The following IAH1 variants were observed in gnomAD, a reference collection of about 807,000 sequenced individuals.
The protein encoded by IAH1 is isoamyl acetate hydrolyzing esterase 1 (putative).
Under a neutral mutation model 26.7 loss-of-function variants are expected in IAH1, and 24 were observed. The observed-to-expected ratio is 0.90, with a 90% CI of 0.65 to 1.26. The LOEUF (loss-of-function observed/expected upper bound fraction) is 1.26, where lower values mean the gene tolerates loss of function less well. Ranked by LOEUF, IAH1 falls within the 50% of genes most tolerant of loss-of-function variation. IAH1 has a pLI of 0.00. For synonymous variants in IAH1, 140 were observed against 118.5 expected (o/e 1.18, Z -1.18); for missense variants, 300 against 299.9 (o/e 1.00, Z 0.00).
chr2:9,500,125 C>A (rs1313376161), downstream of IAH1, among the ~76,000 whole-genome samples: 18 of 152,126 alleles, frequency 1.2e-4, no homozygotes, highest in African/African-American at 3.6e-4. Context: ...TTTGTTATAG[C>A]AAAAAAGTGG....
chr2:9,474,701 G>T lies in IAH1; in HGVS notation c.81+54G>T. 1 of 1,317,864 alleles carries T rather than the reference G, an allele frequency of 7.6e-7. No homozygotes were observed. The highest frequency in any genetic ancestry group is 1.3e-5 in the South Asian group (1 of 76,560). 81.6% of individuals were successfully genotyped at this position (1,317,864 alleles called of 1,614,324 possible). A position where few individuals can be genotyped will look rare whatever the true frequency, so the allele number is the denominator to read the frequency against. On this transcript the variant is annotated intron_variant, in intron 1 of 5. Coordinates refer to ENST00000497473, the MANE Select transcript of IAH1 (RefSeq NM_001039613.3). The surrounding 1 kb of genome is among the most constrained non-coding windows in gnomAD (Gnocchi z 4.3). ...GCCCCGGCCTCCCTGCGGGGTCGCT[G>T]CCGAGCAGGCCGAGGCTCCTCGCCG...
chr2:9,496,153 G>A, intron 6 of IAH1, among the ~76,000 whole-genome samples: 1 of 151,582 alleles, frequency 6.6e-6, no homozygotes, highest in South Asian at 2.1e-4. Flanking sequence ...ATTTGAAATG[G>A]AGTCTCGCTC....
chr2:9,479,360 TGAA>T (rs1661019372), intron 3 of IAH1, among the ~76,000 whole-genome samples: 1 of 151,874 alleles, frequency 6.6e-6, no homozygotes, highest in Non-Finnish European at 1.5e-5. Context: ...GCGAAAAAAC[TGAA>T]GAAGAAAATG....
intron 3 of IAH1, among the ~76,000 whole-genome samples, chr2:9,479,795 C>CTTTTTTTTTTTTTTTTTTTTTTTTT (rs5829216): frequency 1.4e-5 from 1 of 69,870 alleles, no homozygotes; most frequent in Non-Finnish European, 2.5e-5. Context: ...CTGTGTATTG[C>CTTTTTTTTTTTTTTTTTTTTTTTTT]TTTTTTTTTT....
intron 1 of IAH1, among the ~76,000 whole-genome samples, chr2:9,475,373 G>A (rs1487317336): frequency 6.6e-6 from 1 of 152,202 alleles, no homozygotes; most frequent in Non-Finnish European, 1.5e-5. Context: ...CCATGGGAAT[G>A]TGTATGAAAA....
chr2:9,489,405 T>G lies in IAH1; in HGVS notation c.*1076T>G, dbSNP rs553628412. The G allele has an allele frequency of 4.0e-5, 6 of 149,800 alleles. No homozygotes were observed. The South Asian group carries it at 1.3e-3, about 32-fold the overall frequency. 9.3% of individuals were successfully genotyped at this position (149,800 alleles called of 1,614,324 possible). A position where few individuals can be genotyped will look rare whatever the true frequency, so the allele number is the denominator to read the frequency against. On this transcript the variant is annotated 3_prime_UTR_variant, in exon 6 of 6. Coordinates refer to ENST00000497473, the MANE Select transcript of IAH1 (RefSeq NM_001039613.3). Reference sequence around the variant, plus strand: ...GCCAATAGTGAATTTTCTAAGAGCATGTATCCCTATCAGTAACAGGGATAC... The same window carrying G: ...GCCAATAGTGAATTTTCTAAGAGCAGGTATCCCTATCAGTAACAGGGATAC...
chr2:9,475,275 C>A, intron 1 of IAH1: 1 of 1,140,752 alleles, frequency 8.8e-7, no homozygotes, highest in Non-Finnish European at 1.2e-6. Flanking sequence ...TCTTCTCAGA[C>A]AGGACTTGCT....
At chr2:9,507,637 A>C in the IAH1 span, among the ~76,000 whole-genome samples, 1 of 152,140 alleles carries the variant, frequency 6.6e-6, no homozygotes, top group Non-Finnish European at 1.5e-5. Flanking sequence ...AAAATAAATA[A>C]ATTGTTCTTC....
chr2:9,499,956 C>A (rs2124985232), downstream of IAH1, among the ~76,000 whole-genome samples: 1 of 152,294 alleles, frequency 6.6e-6, no homozygotes, highest in Admixed American at 6.5e-5. Context: ...TACAATGCTG[C>A]TGAGACTGTA....
intron 1 of IAH1, 152 bp from the exon 2 acceptor site, chr2:9,475,835 C>T (rs995671395): frequency 4.6e-6 from 3 of 657,518 alleles, no homozygotes; most frequent in Non-Finnish European, 5.5e-6. Context: ...GCCAGGTGTA[C>T]TTACCTGTAA....
At chr2:9,490,226 A>G, downstream of IAH1, 2 of 1,606,834 alleles carry the variant, frequency 1.2e-6, no homozygotes, top group Non-Finnish European at 8.5e-7. Context: ...CTGCAGTTTA[A>G]AGGAGGCAGC....
downstream of IAH1, chr2:9,497,197 C>G (rs1186144392): frequency 1.2e-6 from 2 of 1,614,220 alleles, no homozygotes; most frequent in Non-Finnish European, 1.7e-6. Context: ...AAGATCCAAG[C>G]AAACAGTGTC....
intron 2 of IAH1, 86 bp from the exon 3 acceptor site, chr2:9,478,136 G>A: frequency 3.2e-6 from 4 of 1,244,550 alleles, no homozygotes. Context: ...TAGAATCCCA[G>A]AGAGCACACC....
At chr2:9,492,762 TAAC>T (rs1442202856), downstream of IAH1, 12 of 641,300 alleles carry the variant, frequency 1.9e-5, no homozygotes, top group South Asian at 9.9e-5. Context: ...CCCCTAGGAA[TAAC>T]AACAAAAAAA....
At chr2:9,480,680 C>G (rs993370979) in intron 3 of IAH1, among the ~76,000 whole-genome samples, 1 of 152,118 alleles carries the variant, frequency 6.6e-6, no homozygotes, top group Non-Finnish European at 1.5e-5. Context: ...TTATACTGTA[C>G]TTACATGTGG....
At chr2:9,490,106 C>T (rs1661992698), downstream of IAH1, 1 of 1,336,442 alleles carries the variant, frequency 7.5e-7, no homozygotes, top group Non-Finnish European at 1.0e-6. Flanking sequence ...AAAATACAAG[C>T]TGTGATTGAT....
At chr2:9,503,443 A>G in the IAH1 span, among the ~76,000 whole-genome samples, 2 of 152,170 alleles carry the variant, frequency 1.3e-5, no homozygotes, top group Admixed American at 1.3e-4. Flanking sequence ...ATATCCCAAG[A>G]CTGTCATTTT....
chr2:9,495,918 A>G (rs936571240), intron 6 of IAH1, among the ~76,000 whole-genome samples: 4 of 150,578 alleles, frequency 2.7e-5, no homozygotes, highest in Admixed American at 6.6e-5. Flanking sequence ...GCTGGTCTCA[A>G]ACAACTCCTG....
chr2:9,478,159 C>T (rs1340819555), intron 2 of IAH1, 63 bp from the exon 3 acceptor site: 42 of 1,457,240 alleles, frequency 2.9e-5, no homozygotes, highest in Non-Finnish European at 3.4e-5. Context: ...CACTAAAGGC[C>T]GGTTACTGCG....
Sources: allele counts gnomAD v4.1 joint callset (sites outside exome capture counted in the v4.1 genomes callset), GRCh38; gene constraint gnomAD v4.1.1; non-coding constraint Gnocchi (gnomAD v3.1); transcripts MANE v1.5; gene names NCBI Gene and HGNC (gene_info 2026-07-23, HGNC 2026-07-21).